Variants in ZCCHC7 observed in about 807,000 individuals in gnomAD.
ZCCHC7 encodes zinc finger CCHC domain-containing protein 7.
Under a neutral mutation model 52.0 loss-of-function variants are expected in ZCCHC7, and 35 were observed. The ratio of observed to expected loss-of-function variants is 0.67; its 90% CI spans 0.51 to 0.89. ZCCHC7 has a LOEUF of 0.89. ZCCHC7 is among the 40% of genes least tolerant of loss of function. The pLI, the probability that ZCCHC7 is intolerant of heterozygous loss-of-function variation, is 0.00. For synonymous variants in ZCCHC7, 217 were observed against 221.5 expected (o/e 0.98, Z 0.18); for missense variants, 574 against 649.1 (o/e 0.88, Z 1.26).
intron 6 of ZCCHC7, among the ~76,000 whole-genome samples, chr9:37,336,703 G>T (rs977929896): frequency 5.9e-5 from 9 of 151,760 alleles, no homozygotes; most frequent in East Asian, 5.8e-4. Flanking sequence ...TTGTATGGTT[G>T]GAAGATGTAT....
intron 3 of ZCCHC7, among the ~76,000 whole-genome samples, chr9:37,303,546 TAA>T (rs199509424): frequency 1.4e-5 from 2 of 140,088 alleles, no homozygotes; most frequent in Non-Finnish European, 1.5e-5. Flanking sequence ...AGAGAAAGAT[TAA>T]AAAAAAAAAA....
At chr9:37,297,161 T>C (rs749159595) in intron 2 of ZCCHC7, among the ~76,000 whole-genome samples, 4 of 152,218 alleles carry the variant, frequency 2.6e-5, no homozygotes, top group Non-Finnish European at 4.4e-5. Context: ...CCAAATAATA[T>C]ATACTTTTTG....
At chr9:37,272,253 A>T (rs1827453487) in intron 2 of ZCCHC7, among the ~76,000 whole-genome samples, 1 of 152,206 alleles carries the variant, frequency 6.6e-6, no homozygotes, top group Admixed American at 6.5e-5. Flanking sequence ...TTTGACCAGT[A>T]AATGGGATTT....
intron 1 of ZCCHC7, among the ~76,000 whole-genome samples, chr9:37,126,029 C>T (rs937805385): frequency 1.3e-5 from 2 of 152,098 alleles, no homozygotes; most frequent in Non-Finnish European, 2.9e-5. Context: ...GAAGTTTGCA[C>T]GATGAAATCA....
intron 2 of ZCCHC7, among the ~76,000 whole-genome samples, chr9:37,146,557 G>C (rs565920599): frequency 6.6e-6 from 1 of 152,056 alleles, no homozygotes; most frequent in East Asian, 1.9e-4. Flanking sequence ...ACGTGTGGTA[G>C]CTGTATTAGT....
At chr9:37,336,922 T>A (rs534699926) in intron 6 of ZCCHC7, among the ~76,000 whole-genome samples, 1 of 152,260 alleles carries the variant, frequency 6.6e-6, no homozygotes, top group Admixed American at 6.5e-5. Context: ...TTGTCCATCA[T>A]TGTTTGGGGT....
At chr9:37,131,787 G>A (rs1588349351) in intron 2 of ZCCHC7, among the ~76,000 whole-genome samples, 1 of 152,224 alleles carries the variant, frequency 6.6e-6, no homozygotes, top group East Asian at 1.9e-4. Flanking sequence ...TGTGATTTGA[G>A]GTTGTTGATT....
At chr9:37,308,369 A>G (rs1464525372) in intron 5 of ZCCHC7, among the ~76,000 whole-genome samples, 1 of 152,050 alleles carries the variant, frequency 6.6e-6, no homozygotes, top group African/African-American at 2.4e-5. Context: ...TTTTCTTCCA[A>G]AGAGCTCTGA....
intron 5 of ZCCHC7, among the ~76,000 whole-genome samples, chr9:37,326,529 A>G (rs1005499735): frequency 2.7e-5 from 4 of 150,538 alleles, no homozygotes; most frequent in Admixed American, 1.3e-4. Context: ...ATAGGAAATT[A>G]CACAGGAAAG....
chr9:37,143,351 TTGTGTTGCGTGGAAAC>T (rs1843310825), intron 2 of ZCCHC7, among the ~76,000 whole-genome samples: 1 of 151,802 alleles, frequency 6.6e-6, no homozygotes, highest in African/African-American at 2.4e-5. Flanking sequence ...TAAAATTACA[TTGTGTTGCGTGGAAAC>T]TGTTTTAGCT....
chr9:37,166,183 T>C (rs1588413113), intron 2 of ZCCHC7, among the ~76,000 whole-genome samples: 1 of 151,920 alleles, frequency 6.6e-6, no homozygotes, highest in Admixed American at 6.6e-5. Flanking sequence ...GATCACGAGG[T>C]CAGGAGTTCG....
chr9:37,181,498 A>G (rs1007186816), intron 2 of ZCCHC7, among the ~76,000 whole-genome samples: 3 of 152,248 alleles, frequency 2.0e-5, no homozygotes, highest in Non-Finnish European at 4.4e-5. Context: ...ATTGACATAC[A>G]AAATGTGGTA....
intron 2 of ZCCHC7, among the ~76,000 whole-genome samples, chr9:37,238,797 C>G (rs1038877554): frequency 2.0e-5 from 3 of 151,938 alleles, no homozygotes; most frequent in African/African-American, 7.3e-5. Flanking sequence ...CAGCAATTAA[C>G]ATCACGATTG....
At chr9:37,304,081 G>C (rs1829177858) in intron 3 of ZCCHC7, 107 bp from the exon 4 acceptor site, 12 of 1,102,684 alleles carry the variant, frequency 1.1e-5, no homozygotes, top group Non-Finnish European at 1.6e-5. Flanking sequence ...CTGACTTGAA[G>C]CTTGATGTAT....
At chr9:37,223,880 G>A (rs1421639672) in intron 2 of ZCCHC7, among the ~76,000 whole-genome samples, 1 of 151,882 alleles carries the variant, frequency 6.6e-6, no homozygotes, top group Admixed American at 6.6e-5. Context: ...TGAAAATATA[G>A]GTAGTAAAAC....
At chr9:37,186,013 C>T (rs1822634839) in intron 2 of ZCCHC7, among the ~76,000 whole-genome samples, 1 of 151,606 alleles carries the variant, frequency 6.6e-6, no homozygotes, top group African/African-American at 2.4e-5. Context: ...TACTTTTTTT[C>T]TGGGACATAA....
At chr9:37,260,843 C>CT (rs1423286429) in intron 2 of ZCCHC7, among the ~76,000 whole-genome samples, 1 of 152,172 alleles carries the variant, frequency 6.6e-6, no homozygotes, top group African/African-American at 2.4e-5. Flanking sequence ...GACTGGGGTT[C>CT]TAAGAGGAAG....
chr9:37,349,595 ACCCCT>A, intron 7 of ZCCHC7, 143 bp downstream of exon 7: 1 of 761,174 alleles, frequency 1.3e-6, no homozygotes, highest in South Asian at 2.0e-5. Context: ...CAACTGGTTT[ACCCCT>A]CCCCTCCCTG....
chr9:37,239,838 T>G (rs1825804907), intron 2 of ZCCHC7, among the ~76,000 whole-genome samples: 1 of 152,146 alleles, frequency 6.6e-6, no homozygotes, highest in South Asian at 2.1e-4. Flanking sequence ...TATGTTTAAT[T>G]CAGGATGAGA....
Sources: gnomAD v4.1 joint callset for allele counts (sites outside exome capture counted in the v4.1 genomes callset) on GRCh38, gnomAD v4.1.1 for gene constraint, MANE v1.5 for transcripts, NCBI Gene and HGNC (gene_info 2026-07-23, HGNC 2026-07-21) for gene names.